NELL2: variants seen among roughly 807,000 people sequenced by gnomAD.
The protein encoded by NELL2 is protein kinase C-binding protein NELL2.
In NELL2, 41 loss-of-function variants were observed where a neutral mutation model predicts 109.6. That is an observed-to-expected ratio of 0.37 (90% CI 0.29 to 0.49). NELL2 has a LOEUF of 0.49. Among genes scored for constraint, NELL2 ranks in the 20% least tolerant of loss-of-function variants. NELL2 has a pLI of 0.98. For synonymous variants in NELL2, 355 were observed against 344.7 expected (o/e 1.03, Z -0.33); for missense variants, 900 against 1,008.3 (o/e 0.89, Z 1.45).
At chr12:44,745,957 C>T (rs1940322096) in intron 9 of NELL2, among the ~76,000 whole-genome samples, 1 of 152,150 alleles carries the variant, frequency 6.6e-6, no homozygotes. Flanking sequence ...CTTTAAAGTT[C>T]ATATGGAACC....
rs140286967 is a variant in NELL2 at position 44,758,857 on chromosome 12, C to A, written c.994+15890G>T. Among the ~76,000 whole-genome samples, 541 of 152,240 alleles carry A rather than the reference C, an allele frequency of 3.6e-3. 7 individuals carry two copies. The highest frequency in any genetic ancestry group is 0.011 in the African/African-American group (457 of 41,558). ...ACCTTTGTGTTTCTGAACTAGTATT[C>A]TTTAAAGGTACTATATCATATTTCT... On this transcript the variant is annotated intron_variant, in intron 9 of 19. Transcript: ENST00000429094.
chr12:44,533,681 C>G (rs1311781582), intron 15 of NELL2, among the ~76,000 whole-genome samples: 1 of 152,092 alleles, frequency 6.6e-6, no homozygotes, highest in Admixed American at 6.6e-5. Context: ...TCTACTGAAT[C>G]GTGAGAACAT....
chr12:44,786,766 T>C (rs569832032), intron 3 of NELL2, among the ~76,000 whole-genome samples: 4 of 152,162 alleles, frequency 2.6e-5, no homozygotes, highest in African/African-American at 9.6e-5. Context: ...CCCAGCAAAC[T>C]AACACAGGAA....
intron 9 of NELL2, among the ~76,000 whole-genome samples, chr12:44,764,635 A>G (rs1941255727): frequency 6.6e-6 from 1 of 152,212 alleles, no homozygotes; most frequent in African/African-American, 2.4e-5. Context: ...TATAAGAAAC[A>G]CTGCATATGT....
Position 44,776,370 on chromosome 12 carries a change from C to A in NELL2, c.763-220G>T, listed in dbSNP as rs571314355. ...ATAAATTTGCTCCCTGCCTTAGAAA[C>A]AAACAACATAATTTATAAGACATAA... On this transcript the variant is annotated intron_variant, in intron 7 of 19. Transcript: ENST00000429094. Among the ~76,000 whole-genome samples the A allele has an allele frequency of 7.2e-5, 11 of 152,244 alleles. No individual in the cohort carries two copies. In the South Asian group the frequency reaches 1.7e-3, roughly 23 times the overall value.
chr12:44,855,712 A>G (rs71459270), intron 2 of NELL2, among the ~76,000 whole-genome samples: 11,336 of 152,224 alleles, frequency 0.074, 548 homozygotes, highest in Admixed American at 0.12. Context: ...CTAAATGTTG[A>G]ATTCGCAATA....
chr12:44,708,483 A>G (rs1340583031), intron 11 of NELL2, among the ~76,000 whole-genome samples: 1 of 152,198 alleles, frequency 6.6e-6, no homozygotes, highest in Non-Finnish European at 1.5e-5. Context: ...TTAGCACTAT[A>G]CAAATAGGCC....
intron 1 of NELL2, among the ~76,000 whole-genome samples, chr12:44,901,021 T>A (rs1945654099): frequency 7.3e-6 from 1 of 136,764 alleles, no homozygotes; most frequent in African/African-American, 2.8e-5. Context: ...AAAACAAAAC[T>A]ACCAGAAGAC....
intron 13 of NELL2, among the ~76,000 whole-genome samples, chr12:44,612,363 A>G (rs1945651989): frequency 1.3e-5 from 2 of 152,004 alleles, no homozygotes; most frequent in African/African-American, 4.8e-5. Flanking sequence ...ATTATTCCCA[A>G]TAATCCTTTA....
At chr12:44,556,949 G>C (rs764684857) in intron 15 of NELL2, among the ~76,000 whole-genome samples, 1 of 152,190 alleles carries the variant, frequency 6.6e-6, no homozygotes, top group Non-Finnish European at 1.5e-5. Flanking sequence ...GTTGGGGCCA[G>C]ATGGTGAAGG....
intron 15 of NELL2, 91 bp from the exon 16 acceptor site, chr12:44,532,812 C>T: frequency 8.5e-7 from 1 of 1,177,168 alleles, no homozygotes; most frequent in South Asian, 1.6e-5. Flanking sequence ...ATTTTTAATG[C>T]CAGCAAATCC....
intron 2 of NELL2, among the ~76,000 whole-genome samples, chr12:44,866,156 C>A: frequency 6.6e-6 from 1 of 152,174 alleles, no homozygotes; most frequent in East Asian, 1.9e-4. Context: ...ATGGCCCTCA[C>A]CAGACACCAA....
intron 9 of NELL2, among the ~76,000 whole-genome samples, chr12:44,736,475 C>T (rs1056516750): frequency 2.0e-5 from 3 of 151,442 alleles, no homozygotes; most frequent in African/African-American, 4.9e-5. Flanking sequence ...ACTAAATAGT[C>T]GTCAATATAA....
chr12:44,875,655 A>AG (rs1185144683), intron 1 of NELL2, 160 bp downstream of exon 1: 4 of 1,573,476 alleles, frequency 2.5e-6, no homozygotes, highest in East Asian at 2.3e-5. Flanking sequence ...AGGCAAGCAC[A>AG]GAAAAAAAAA....
intron 9 of NELL2, among the ~76,000 whole-genome samples, chr12:44,762,857 T>C (rs1482743236): frequency 1.3e-5 from 2 of 152,222 alleles, no homozygotes; most frequent in Non-Finnish European, 2.9e-5. Flanking sequence ...TTGCATTGCA[T>C]ACTTGACCAT....
At chr12:44,896,329 T>G (rs1291444532) in intron 1 of NELL2, among the ~76,000 whole-genome samples, 1 of 152,158 alleles carries the variant, frequency 6.6e-6, no homozygotes, top group Non-Finnish European at 1.5e-5. Context: ...CCAGCTGAGG[T>G]AAGGTCTATA....
chr12:44,878,924 C>T (rs1945380768), upstream of NELL2, among the ~76,000 whole-genome samples: 1 of 152,178 alleles, frequency 6.6e-6, no homozygotes, highest in Admixed American at 6.5e-5. Flanking sequence ...TGTTACCTCA[C>T]ATGGCAAAGG....
chr12:44,567,205 T>A (rs1943696513), intron 15 of NELL2, among the ~76,000 whole-genome samples: 1 of 152,206 alleles, frequency 6.6e-6, no homozygotes, highest in African/African-American at 2.4e-5. Flanking sequence ...AGTACTTAAA[T>A]CATTTTTAGT....
At chr12:44,816,928 A>C (rs1408388651) in intron 2 of NELL2, among the ~76,000 whole-genome samples, 2 of 152,264 alleles carry the variant, frequency 1.3e-5, no homozygotes, top group Non-Finnish European at 2.9e-5. Flanking sequence ...CTATCATTCA[A>C]GCAATGTGCT....
Sources: allele counts gnomAD v4.1 joint callset (sites outside exome capture counted in the v4.1 genomes callset), GRCh38; gene constraint gnomAD v4.1.1; transcripts MANE v1.5; gene names NCBI Gene and HGNC (gene_info 2026-07-23, HGNC 2026-07-21).